Variants in COPS2 observed in about 807,000 individuals in gnomAD.
The protein encoded by COPS2 is COP9 signalosome subunit 2.
In COPS2, 10 loss-of-function variants were observed where a neutral mutation model predicts 66.1. The observed-to-expected ratio is 0.15, with a 90% CI of 0.09 to 0.26. COPS2 has a LOEUF of 0.26. Among genes scored for constraint, COPS2 ranks in the 10% least tolerant of loss-of-function variants. The pLI, the probability that COPS2 is intolerant of heterozygous loss-of-function variation, is 1.00. For missense variants in COPS2, 215 were observed against 513.3 expected (o/e 0.42, Z 5.62); for synonymous variants, 179 against 171.3 (o/e 1.04, Z -0.35).
At chr15:49,133,581 T>C (rs192815105) in intron 9 of COPS2, among the ~76,000 whole-genome samples, 178 bp downstream of exon 9, 5 of 152,330 alleles carry the variant, frequency 3.3e-5, no homozygotes, top group Admixed American at 6.5e-5. Flanking sequence ...TATAAAATCT[T>C]GTGGCTACAG....
chr15:49,134,994 A>G (rs564184972), intron 6 of COPS2, among the ~76,000 whole-genome samples: 3 of 152,338 alleles, frequency 2.0e-5, no homozygotes, highest in Non-Finnish European at 4.4e-5. Context: ...ACGTTAAGTG[A>G]AAACTTACTA....
intron 10 of COPS2, 105 bp downstream of exon 10, chr15:49,130,614 A>C (rs55919636): frequency 1.6e-6 from 1 of 621,424 alleles, no homozygotes. Context: ...TATACTTTGC[A>C]ATAGACAGAA....
Position 49,130,712 on chromosome 15 carries a change from A to C in COPS2, c.1045+7T>G. 6.5e-7 allele frequency: 1 copy of C among 1,538,182 alleles called. No individual in the cohort carries two copies. Among genetic ancestry groups the C allele is most frequent in the Non-Finnish European group, 8.9e-7 (1 of 1,117,374 alleles). Reference sequence around the variant, plus strand: ...GTAATAGAATCCAGTTGGCAGAAAGAACATACCTTCAATGTGTTCTCTTAT... The same window carrying C: ...GTAATAGAATCCAGTTGGCAGAAAGCACATACCTTCAATGTGTTCTCTTAT... On this transcript the variant is annotated splice_region_variant and intron_variant, in intron 10 of 12. Transcript: ENST00000388901.
chr15:49,146,273 T>C (rs2084320738), intron 1 of COPS2, among the ~76,000 whole-genome samples: 1 of 152,160 alleles, frequency 6.6e-6, no homozygotes, highest in Non-Finnish European at 1.5e-5. Flanking sequence ...TGGAATTCCA[T>C]TCTGTTTAAC....
At chr15:49,151,832 T>C (rs1179459290) in intron 1 of COPS2, among the ~76,000 whole-genome samples, 1 of 151,896 alleles carries the variant, frequency 6.6e-6, no homozygotes, top group Admixed American at 6.6e-5. Context: ...AATAACAAGT[T>C]TGTTTTATTT....
intron 9 of COPS2, among the ~76,000 whole-genome samples, chr15:49,133,239 T>C (rs57547371): frequency 0.085 from 12,934 of 152,156 alleles, 677 homozygotes; most frequent in Middle Eastern, 0.17. Context: ...CCACCCGCCT[T>C]GGCCTCCCAA....
At chr15:49,137,640 G>A in intron 4 of COPS2, 3 of 498,644 alleles carry the variant, frequency 6.0e-6, no homozygotes, top group Non-Finnish European at 1.1e-5. Flanking sequence ...ATGATGCGTT[G>A]TTTTATAGAA....
intron 11 of COPS2, among the ~76,000 whole-genome samples, chr15:49,129,103 T>C (rs1042054592): frequency 6.6e-6 from 1 of 152,174 alleles, no homozygotes; most frequent in Non-Finnish European, 1.5e-5. Flanking sequence ...TTTGTTACAA[T>C]GTTAAGGCTC....
chr15:49,131,072 C>T (rs1246833571), intron 9 of COPS2, among the ~76,000 whole-genome samples: 1 of 151,994 alleles, frequency 6.6e-6, no homozygotes, highest in Non-Finnish European at 1.5e-5. Context: ...TATATTTATA[C>T]AAAGTTAATT....
chr15:49,132,542 T>A (rs2084218756), intron 9 of COPS2, among the ~76,000 whole-genome samples: 1 of 137,910 alleles, frequency 7.3e-6, no homozygotes, highest in Non-Finnish European at 1.5e-5. Context: ...ATAGAACTTC[T>A]GGTCACCTAA....
At chr15:49,130,684 A>T (rs573003459) in intron 10 of COPS2, 35 bp downstream of exon 10, 2 of 1,282,344 alleles carry the variant, frequency 1.6e-6, no homozygotes, top group Non-Finnish European at 2.2e-6. Flanking sequence ...AGTGGCAAAG[A>T]AAGTAATAGA....
chr15:49,128,641 C>T, intron 12 of COPS2, 61 bp downstream of exon 12: 1 of 1,168,052 alleles, frequency 8.6e-7, no homozygotes, highest in South Asian at 1.4e-5. Context: ...TTACCTTTGT[C>T]ACTATTATTC....
intron 3 of COPS2, among the ~76,000 whole-genome samples, chr15:49,141,105 C>A (rs2084287107): frequency 6.6e-6 from 1 of 152,126 alleles, no homozygotes; most frequent in Non-Finnish European, 1.5e-5. Context: ...GCTGCTAAAT[C>A]CACATTACAG....
At chr15:49,155,443 G>T (rs981675533) in intron 1 of COPS2, 82 bp downstream of exon 1, 3 of 1,311,462 alleles carry the variant, frequency 2.3e-6, no homozygotes, top group African/African-American at 2.9e-5. Flanking sequence ...ATGCTCTACG[G>T]GGAGAGGCCG....
At chr15:49,130,882 C>T in intron 9 of COPS2, 66 bp from the exon 10 acceptor site, 1 of 776,052 alleles carries the variant, frequency 1.3e-6, no homozygotes, top group Non-Finnish European at 2.1e-6. Context: ...TCAGATAATC[C>T]AAAGACCCTG....
At chr15:49,140,752 T>G (rs2084284842) in intron 3 of COPS2, among the ~76,000 whole-genome samples, 1 of 145,428 alleles carries the variant, frequency 6.9e-6, no homozygotes, top group Non-Finnish European at 1.5e-5. Flanking sequence ...TTCTATTTTC[T>G]TTTTTTTTTT....
At chr15:49,139,486 TA>T in intron 4 of COPS2, 41 bp downstream of exon 4, 1 of 1,516,594 alleles carries the variant, frequency 6.6e-7, no homozygotes, top group Non-Finnish European at 9.1e-7. Flanking sequence ...CTATAAATAA[TA>T]AACACACTGA....
At chr15:49,137,527 T>C (rs543208283) in intron 4 of COPS2, 90 bp from the exon 5 acceptor site, 2 of 908,162 alleles carry the variant, frequency 2.2e-6, no homozygotes, top group African/African-American at 3.3e-5. Flanking sequence ...AGTGCATCTT[T>C]GAACTTTAAT....
rs116533365 is a variant in COPS2, at chr15:49,149,439, C to T, written c.55-4361G>A. Among the ~76,000 whole-genome samples the T allele has an allele frequency of 6.3e-3, 959 of 152,300 alleles. 15 individuals are homozygous for T. Among genetic ancestry groups the T allele is most frequent in the African/African-American group, 0.022 (903 of 41,546 alleles). ...AACTAAATTTTTTTTCTCAGTCATG[C>T]TTCCATATGACATGCATCTCTCTAA... On this transcript the variant is annotated intron_variant, in intron 1 of 12. Coordinates refer to ENST00000388901, the MANE Select transcript of COPS2 (RefSeq NM_004236.4).
Sources: allele counts gnomAD v4.1 joint callset (sites outside exome capture counted in the v4.1 genomes callset), GRCh38; gene constraint gnomAD v4.1.1; transcripts MANE v1.5; gene names NCBI Gene and HGNC (gene_info 2026-07-23, HGNC 2026-07-21).